Variants in CCDC6 observed in about 807,000 individuals in gnomAD.
CCDC6 encodes the protein coiled-coil domain containing 6.
In CCDC6, 20 loss-of-function variants were observed where a neutral mutation model predicts 56.6. The ratio of observed to expected loss-of-function variants is 0.35; its 90% CI spans 0.25 to 0.51. CCDC6 has a LOEUF of 0.51. Among genes scored for constraint, CCDC6 ranks in the 20% least tolerant of loss-of-function variants. The pLI, the probability that CCDC6 is intolerant of heterozygous loss-of-function variation, is 0.95. For missense variants in CCDC6, 367 were observed against 601.1 expected, an observed-to-expected ratio of 0.61 and a Z score of 4.07; for synonymous variants, 241 against 234.4, an observed-to-expected ratio of 1.03 and a Z score of -0.26.
chr10:59,900,931 G>A (rs920440394), intron 1 of CCDC6, among the ~76,000 whole-genome samples: 1 of 152,142 alleles, frequency 6.6e-6, no homozygotes, highest in African/African-American at 2.4e-5. Flanking sequence ...GGTGGCGCAT[G>A]CCTGTAGTCC....
Position 59,792,394 on chromosome 10 carries a change from G to T in CCDC6, c.*523C>A. 2.4e-6 allele frequency: 1 copy of T among 412,526 alleles called. No individual in the cohort carries two copies. The highest frequency in any genetic ancestry group is 4.6e-6 in the Non-Finnish European group (1 of 217,790). 25.6% of individuals were successfully genotyped at this position (412,526 alleles called of 1,614,324 possible). A position where few individuals can be genotyped will look rare whatever the true frequency, so the allele number is the denominator to read the frequency against. On this transcript the variant is annotated 3_prime_UTR_variant, in exon 9 of 9. Coordinates refer to ENST00000263102, the MANE Select transcript of CCDC6 (RefSeq NM_005436.5). ...TTCTGTTAAACAGAAAATATGTCTT[G>T]GGCACTGATTCATCTAACTTTCTGT... is the stretch of plus-strand genomic sequence containing the variant.
At chr10:59,833,654 G>GGGGTT (rs79707242) in intron 2 of CCDC6, among the ~76,000 whole-genome samples, 3 of 47,872 alleles carry the variant, frequency 6.3e-5, no homozygotes, top group Admixed American at 2.6e-4. Flanking sequence ...GGGGGGGGGG[G>GGGGTT]TTTGTTGATC....
chr10:59,878,248 C>T (rs1455151432), intron 1 of CCDC6, among the ~76,000 whole-genome samples: 1 of 152,168 alleles, frequency 6.6e-6, no homozygotes, highest in Admixed American at 6.5e-5. Flanking sequence ...TAATTGGATG[C>T]TCATAGCCAG....
intron 2 of CCDC6, among the ~76,000 whole-genome samples, chr10:59,837,974 AAT>A (rs1216345917): frequency 6.6e-6 from 1 of 152,270 alleles, no homozygotes; most frequent in East Asian, 1.9e-4. Flanking sequence ...TAATGTTATT[AAT>A]ATGAGCTTTG....
chr10:59,889,539 A>G (rs1248276852), intron 1 of CCDC6, among the ~76,000 whole-genome samples: 1 of 152,148 alleles, frequency 6.6e-6, no homozygotes, highest in Non-Finnish European at 1.5e-5. Context: ...TCAGTTCCAT[A>G]TTCATTCATT....
intron 1 of CCDC6, among the ~76,000 whole-genome samples, chr10:59,898,166 T>G (rs139622058): frequency 6.6e-6 from 1 of 152,272 alleles, no homozygotes. Flanking sequence ...CCACCATTAT[T>G]CCATGAAAGA....
chr10:59,813,001 C>T (rs982129609), intron 4 of CCDC6, among the ~76,000 whole-genome samples: 30 of 152,204 alleles, frequency 2.0e-4, no homozygotes, highest in African/African-American at 6.8e-4. Context: ...ATTCTAATCT[C>T]CCTTTTTCCT....
At chr10:59,859,191 T>TGTGTGC (rs1554885831) in intron 1 of CCDC6, among the ~76,000 whole-genome samples, 26 of 112,190 alleles carry the variant, frequency 2.3e-4, no homozygotes, top group African/African-American at 5.6e-4. Flanking sequence ...AAAAAATACA[T>TGTGTGC]GTGTGTGCGT....
At chr10:59,860,426 T>C (rs943320989) in intron 1 of CCDC6, among the ~76,000 whole-genome samples, 2 of 152,144 alleles carry the variant, frequency 1.3e-5, no homozygotes, top group African/African-American at 4.8e-5. Context: ...ACCATTCCCC[T>C]GACTCTACAA....
chr10:59,872,637 C>A (rs4448634), intron 1 of CCDC6, among the ~76,000 whole-genome samples: 1 of 152,052 alleles, frequency 6.6e-6, no homozygotes, highest in African/African-American at 2.4e-5. Flanking sequence ...TAAAGAGGGA[C>A]GGAAGGTTTA....
At chr10:59,837,019 C>T (rs1014009482) in intron 2 of CCDC6, among the ~76,000 whole-genome samples, 1 of 152,216 alleles carries the variant, frequency 6.6e-6, no homozygotes, top group Non-Finnish European at 1.5e-5. Context: ...AAACTTCCAG[C>T]CCAATGAAAT....
At chr10:59,846,284 G>C (rs1338965304) in intron 2 of CCDC6, among the ~76,000 whole-genome samples, 1 of 152,252 alleles carries the variant, frequency 6.6e-6, no homozygotes, top group Admixed American at 6.5e-5. Flanking sequence ...TGAACAGGCA[G>C]ATCTGGAGAC....
chr10:59,841,115 C>T (rs1252465207), intron 2 of CCDC6, among the ~76,000 whole-genome samples: 1 of 152,164 alleles, frequency 6.6e-6, no homozygotes, highest in Non-Finnish European at 1.5e-5. Flanking sequence ...GACCCATTAC[C>T]TCCCAATTTC....
chr10:59,793,058 C>T lies in CCDC6; in HGVS notation c.1284G>A (p.Pro428=), dbSNP rs763064854. 10 of 1,613,902 alleles carry T rather than the reference C, an allele frequency of 6.2e-6. No homozygotes were observed. Among genetic ancestry groups the T allele is most frequent in the South Asian group, 4.4e-5 (4 of 91,056 alleles). Residue 428 remains proline (P), a synonymous_variant, in exon 9 of 9, where the codon CCG becomes CCA. Coordinates refer to ENST00000263102, the MANE Select transcript of CCDC6 (RefSeq NM_005436.5). ...GGGTCTGTGTGTTGGGAGATGGAGG[C>T]GGCGTGGGCCGTTTGAATTTGTCAG... ...NSPDKFKRPT[P]PPSPNTQTPV...
intron 1 of CCDC6, among the ~76,000 whole-genome samples, chr10:59,899,481 G>A (rs982975027): frequency 6.6e-6 from 1 of 152,220 alleles, no homozygotes; most frequent in Non-Finnish European, 1.5e-5. Context: ...ATACACTGTG[G>A]TGACACTTGT....
Position 59,865,077 on chromosome 10 carries a change from T to A in CCDC6, c.304-12375A>T, listed in dbSNP as rs144005847. ...TTCACTGCCCTTGGAAGATGTGTTG[T>A]TAATTATGGAGGCCTCTAACCAGCT... On this transcript the variant is annotated intron_variant, in intron 1 of 8. Coordinates refer to ENST00000263102, the MANE Select transcript of CCDC6 (RefSeq NM_005436.5). Among the ~76,000 whole-genome samples the A allele has an allele frequency of 2.6e-5, 4 of 152,312 alleles. No individual in the cohort carries two copies. The East Asian group carries it at 7.7e-4, about 29-fold the overall frequency.
chr10:59,898,526 C>A (rs1418087875), intron 1 of CCDC6, among the ~76,000 whole-genome samples: 3 of 152,232 alleles, frequency 2.0e-5, no homozygotes, highest in African/African-American at 7.2e-5. Context: ...TCCCTTCCTG[C>A]ATCCATGTGT....
chr10:59,847,461 T>G (rs1191743463), intron 2 of CCDC6, among the ~76,000 whole-genome samples: 1 of 152,122 alleles, frequency 6.6e-6, no homozygotes, highest in African/African-American at 2.4e-5. Flanking sequence ...ATTCTGATTA[T>G]ACTAGTTCTT....
At chr10:59,815,211 G>A (rs2132633247) in intron 3 of CCDC6, among the ~76,000 whole-genome samples, 1 of 152,236 alleles carries the variant, frequency 6.6e-6, no homozygotes, top group African/African-American at 2.4e-5. Flanking sequence ...ACTGGCTAAT[G>A]GAGATAAATA....
Sources: allele counts gnomAD v4.1 joint callset (sites outside exome capture counted in the v4.1 genomes callset), GRCh38; gene constraint gnomAD v4.1.1; transcripts MANE v1.5; gene names NCBI Gene and HGNC (gene_info 2026-07-23, HGNC 2026-07-21).